Variants in CNTNAP5 observed in about 807,000 individuals in gnomAD.
CNTNAP5 encodes contactin associated protein family member 5.
In CNTNAP5, 72 loss-of-function variants were observed where a neutral mutation model predicts 150.2. The observed-to-expected ratio is 0.48, with a 90% CI of 0.40 to 0.58. The LOEUF (loss-of-function observed/expected upper bound fraction) is 0.58. Among genes scored for constraint, CNTNAP5 ranks in the 20% least tolerant of loss-of-function variants. CNTNAP5 has a pLI of 0.00. For synonymous variants in CNTNAP5, 672 were observed against 619.8 expected (o/e 1.08, Z -1.25); for missense variants, 1,636 against 1,626.2 (o/e 1.01, Z -0.10).
intron 13 of CNTNAP5, among the ~76,000 whole-genome samples, chr2:124,664,301 C>T (rs541253318): frequency 2.6e-4 from 32 of 125,054 alleles, no homozygotes; most frequent in African/African-American, 7.5e-4. Context: ...CCAGTCTGGG[C>T]GACAGAGTGA....
intron 5 of CNTNAP5, among the ~76,000 whole-genome samples, chr2:124,445,371 T>G (rs2003040): frequency 0.18 from 26,999 of 152,124 alleles, 2,881 homozygotes; most frequent in Non-Finnish European, 0.24. Context: ...GTGGTGGGAT[T>G]ACAGGCGTGA....
intron 7 of CNTNAP5, among the ~76,000 whole-genome samples, chr2:124,492,727 T>A (rs116561972): frequency 0.014 from 2,157 of 152,254 alleles, 52 homozygotes; most frequent in African/African-American, 0.049. Flanking sequence ...CTTTCCATTT[T>A]TGATGCTATT....
At chr2:124,356,314 T>G (rs1030214807) in intron 3 of CNTNAP5, among the ~76,000 whole-genome samples, 2 of 152,028 alleles carry the variant, frequency 1.3e-5, no homozygotes, top group African/African-American at 4.8e-5. Context: ...ATCTTTTTTT[T>G]TTTTTTTTAT....
intron 1 of CNTNAP5, among the ~76,000 whole-genome samples, chr2:124,126,147 A>G (rs1452990356): frequency 6.6e-6 from 1 of 152,200 alleles, no homozygotes; most frequent in Non-Finnish European, 1.5e-5. Flanking sequence ...GAAAAGATCA[A>G]CAAAATTGAT....
At chr2:124,370,602 G>A (rs983242318) in intron 3 of CNTNAP5, among the ~76,000 whole-genome samples, 4 of 152,186 alleles carry the variant, frequency 2.6e-5, no homozygotes, top group Middle Eastern at 3.4e-3. Flanking sequence ...ATCAAGGAAC[G>A]GTAAATTAGG....
chr2:124,452,380 G>A (rs1159157190), intron 6 of CNTNAP5, among the ~76,000 whole-genome samples: 1 of 152,036 alleles, frequency 6.6e-6, no homozygotes, highest in African/African-American at 2.4e-5. Flanking sequence ...CACAGCAGTT[G>A]CCACAAGACC....
At position 124,915,837 on chromosome 2, in the gene CNTNAP5, AG is replaced by A. The variant is rs1379859958; in HGVS notation, c.*1551del. ...TTGTCCTGGGCCATCTTGGAGAAAA[AG>A]GTAAGGAGAAGACAATGTAAATGCT... On this transcript the variant is annotated 3_prime_UTR_variant, in exon 24 of 24. Coordinates refer to ENST00000682447, the MANE Select transcript of CNTNAP5 (RefSeq NM_001367498.1). 6.6e-6 allele frequency among the ~76,000 whole-genome samples: 1 copy of A among 152,012 alleles called. No homozygotes were observed. The highest frequency in any genetic ancestry group is 1.5e-5 in the Non-Finnish European group (1 of 67,950).
chr2:124,670,987 T>C (rs1042681188), intron 13 of CNTNAP5, among the ~76,000 whole-genome samples: 1 of 152,186 alleles, frequency 6.6e-6, no homozygotes, highest in Non-Finnish European at 1.5e-5. Flanking sequence ...CATGTGTGAT[T>C]GTATTTTCCA....
At chr2:124,375,759 T>C (rs758620430) in intron 3 of CNTNAP5, among the ~76,000 whole-genome samples, 12 of 152,086 alleles carry the variant, frequency 7.9e-5, no homozygotes, top group Non-Finnish European at 1.6e-4. Context: ...TTTTGCAGTA[T>C]TTTTGTGTGT....
At chr2:124,629,269 C>A (rs1280083009) in intron 12 of CNTNAP5, among the ~76,000 whole-genome samples, 2 of 152,116 alleles carry the variant, frequency 1.3e-5, no homozygotes, top group African/African-American at 4.8e-5. Flanking sequence ...TTTTTCCTGG[C>A]ACCACAGGGC....
chr2:124,835,786 G>A (rs1186114432), intron 19 of CNTNAP5, among the ~76,000 whole-genome samples: 1 of 152,058 alleles, frequency 6.6e-6, no homozygotes, highest in East Asian at 1.9e-4. Context: ...GAGCAGAGAG[G>A]TTAGATGACT....
At chr2:124,571,879 GA>G (rs35391360) in intron 11 of CNTNAP5, among the ~76,000 whole-genome samples, 4 of 151,484 alleles carry the variant, frequency 2.6e-5, no homozygotes, top group African/African-American at 7.3e-5. Flanking sequence ...GGAGAAGATG[GA>G]AAAAAAGCAC....
intron 1 of CNTNAP5, among the ~76,000 whole-genome samples, chr2:124,140,051 A>G (rs1280848365): frequency 6.6e-6 from 1 of 151,870 alleles, no homozygotes; most frequent in Non-Finnish European, 1.5e-5. Flanking sequence ...AAATCGGGTC[A>G]CTCCCACCCG....
intron 19 of CNTNAP5, among the ~76,000 whole-genome samples, chr2:124,800,374 TAC>T (rs148248412): frequency 0.15 from 23,016 of 151,314 alleles, 1,863 homozygotes; most frequent in African/African-American, 0.18. Flanking sequence ...CACACACATA[TAC>T]ACACACACAC....
intron 11 of CNTNAP5, among the ~76,000 whole-genome samples, chr2:124,592,765 A>C (rs1696724886): frequency 6.6e-6 from 1 of 151,956 alleles, no homozygotes; most frequent in Non-Finnish European, 1.5e-5. Flanking sequence ...TTTTTCTATG[A>C]GTCTCCACTC....
At chr2:124,863,181 T>G (rs1677560874) in intron 19 of CNTNAP5, among the ~76,000 whole-genome samples, 1 of 151,918 alleles carries the variant, frequency 6.6e-6, no homozygotes, top group Admixed American at 6.6e-5. Flanking sequence ...AATGTGGGGG[T>G]CGATCACTAT....
At chr2:124,686,412 G>T (rs1468262390) in intron 13 of CNTNAP5, among the ~76,000 whole-genome samples, 2 of 152,076 alleles carry the variant, frequency 1.3e-5, no homozygotes, top group African/African-American at 4.8e-5. Context: ...GAACTGAAGG[G>T]GTAGGAGGAT....
intron 7 of CNTNAP5, among the ~76,000 whole-genome samples, chr2:124,480,340 A>G (rs1483263826): frequency 6.6e-6 from 1 of 152,228 alleles, no homozygotes; most frequent in Non-Finnish European, 1.5e-5. Context: ...AAGAGTAACA[A>G]CAGTGAGTTT....
At chr2:124,392,723 G>C (rs1190143311) in intron 3 of CNTNAP5, among the ~76,000 whole-genome samples, 2 of 134,140 alleles carry the variant, frequency 1.5e-5, no homozygotes, top group East Asian at 4.0e-4. Flanking sequence ...AAAAGAAGGA[G>C]GGGAGGAAAA....
Sources: gnomAD v4.1 joint callset for allele counts (sites outside exome capture counted in the v4.1 genomes callset) on GRCh38, gnomAD v4.1.1 for gene constraint, MANE v1.5 for transcripts, NCBI Gene and HGNC (gene_info 2026-07-23, HGNC 2026-07-21) for gene names.